Variants in GRM8 observed in about 807,000 individuals in gnomAD.
The protein encoded by GRM8 is glutamate metabotropic receptor 8, also known as metabotropic glutamate receptor 8.
In GRM8, 47 loss-of-function variants were observed where a neutral mutation model predicts 87.2. The ratio of observed to expected loss-of-function variants is 0.54; its 90% CI spans 0.43 to 0.69. GRM8 has a LOEUF of 0.69. GRM8 is among the 30% of genes least tolerant of loss of function. The pLI is 0.00. For missense variants in GRM8, 1,019 were observed against 1,139.2 expected (o/e 0.89, Z 1.52); for synonymous variants, 396 against 404.5 (o/e 0.98, Z 0.25).
Position 126,438,962 on chromosome 7 carries a change from A to C in GRM8, c.*157T>G, listed in dbSNP as rs1045285471. ...GTTTCTTCACTCCCCGTTTATTGATACTTTTGGCTCATGGCTAATTTTTGT... is the reference window on the plus strand; with the variant it reads ...GTTTCTTCACTCCCCGTTTATTGATCCTTTTGGCTCATGGCTAATTTTTGT... On this transcript the variant is annotated 3_prime_UTR_variant, in exon 11 of 11. Coordinates refer to ENST00000339582, the MANE Select transcript of GRM8 (RefSeq NM_000845.3). 1.7e-6 allele frequency: 1 copy of C among 603,666 alleles called. No homozygotes were observed. 37.4% of individuals were successfully genotyped at this position (603,666 alleles called of 1,614,324 possible). A position where few individuals can be genotyped will look rare whatever the true frequency, so the allele number is the denominator to read the frequency against.
At chr7:126,487,646 T>G (rs962766107) in intron 9 of GRM8, among the ~76,000 whole-genome samples, 2 of 151,970 alleles carry the variant, frequency 1.3e-5, no homozygotes, top group Non-Finnish European at 2.9e-5. Context: ...TTCATGATGA[T>G]TTCCTAATAT....
intron 2 of GRM8, among the ~76,000 whole-genome samples, chr7:127,108,664 A>T (rs1448641387): frequency 6.6e-6 from 1 of 152,160 alleles, no homozygotes; most frequent in African/African-American, 2.4e-5. Flanking sequence ...ACCAAAACTA[A>T]TTATCTCAAA....
chr7:126,984,468 G>T (rs1393527555), intron 3 of GRM8, among the ~76,000 whole-genome samples: 1 of 152,154 alleles, frequency 6.6e-6, no homozygotes, highest in Non-Finnish European at 1.5e-5. Flanking sequence ...GCAGAAAAAT[G>T]TGAAAAGCTA....
intron 3 of GRM8, among the ~76,000 whole-genome samples, chr7:127,007,558 C>T (rs1049595962): frequency 2.0e-5 from 3 of 151,972 alleles, no homozygotes; most frequent in Non-Finnish European, 2.9e-5. Context: ...TTGTTTCAGA[C>T]CACCATAGGG....
At chr7:126,585,339 A>C (rs1051137263) in intron 8 of GRM8, among the ~76,000 whole-genome samples, 2 of 152,110 alleles carry the variant, frequency 1.3e-5, no homozygotes, top group African/African-American at 4.8e-5. Context: ...CACATCTCCT[A>C]ATTTCCAGTT....
At chr7:126,837,325 A>G (rs553952508) in intron 6 of GRM8, among the ~76,000 whole-genome samples, 1 of 152,378 alleles carries the variant, frequency 6.6e-6, no homozygotes, top group African/African-American at 2.4e-5. Flanking sequence ...GTTACATAAA[A>G]AGGAATCAAC....
At chr7:127,251,466 C>G (rs1280410325) in intron 1 of GRM8, among the ~76,000 whole-genome samples, 1 of 152,284 alleles carries the variant, frequency 6.6e-6, no homozygotes, top group East Asian at 1.9e-4. Flanking sequence ...TCTACCTCTC[C>G]GTTTCTATCT....
chr7:126,626,442 C>T (rs1018253602), intron 7 of GRM8, among the ~76,000 whole-genome samples: 2 of 152,036 alleles, frequency 1.3e-5, no homozygotes, highest in Non-Finnish European at 2.9e-5. Flanking sequence ...TACAATTTCA[C>T]TTTTTTTCTA....
chr7:126,652,484 AG>A (rs1015289457), intron 7 of GRM8, among the ~76,000 whole-genome samples: 1 of 152,194 alleles, frequency 6.6e-6, no homozygotes, highest in Admixed American at 6.5e-5. Context: ...GGACTGGGAA[AG>A]GCAGACCTAC....
intron 6 of GRM8, among the ~76,000 whole-genome samples, chr7:126,805,223 G>A (rs1168777771): frequency 3.3e-5 from 5 of 151,876 alleles, no homozygotes; most frequent in Non-Finnish European, 5.9e-5. Flanking sequence ...TTCAACTTGG[G>A]ACCAATCCAA....
chr7:127,034,691 T>G (rs1396840862), intron 3 of GRM8, among the ~76,000 whole-genome samples: 1 of 152,180 alleles, frequency 6.6e-6, no homozygotes, highest in African/African-American at 2.4e-5. Flanking sequence ...ACAAATTCAG[T>G]GTTTTCACTA....
chr7:127,165,169 T>G (rs1367359367), intron 2 of GRM8, among the ~76,000 whole-genome samples: 1 of 65,748 alleles, frequency 1.5e-5, no homozygotes, highest in Non-Finnish European at 2.9e-5. Flanking sequence ...TATATATATA[T>G]ATATATATAT....
chr7:127,152,056 C>T (rs896748706), intron 2 of GRM8, among the ~76,000 whole-genome samples: 2 of 151,910 alleles, frequency 1.3e-5, no homozygotes, highest in African/African-American at 4.8e-5. Flanking sequence ...GCTATCTGTC[C>T]TTCACTTCCT....
intron 6 of GRM8, among the ~76,000 whole-genome samples, chr7:126,845,347 G>A (rs1487866308): frequency 6.6e-6 from 1 of 152,164 alleles, no homozygotes; most frequent in Non-Finnish European, 1.5e-5. Context: ...ACAAGGCTCA[G>A]GAGGTTACAT....
At chr7:126,928,052 G>A (rs1292726684) in intron 3 of GRM8, among the ~76,000 whole-genome samples, 1 of 152,140 alleles carries the variant, frequency 6.6e-6, no homozygotes, top group South Asian at 2.1e-4. Flanking sequence ...AAACGGATGA[G>A]TTCATGTCCT....
chr7:126,806,434 G>A (rs1473833248), intron 6 of GRM8, among the ~76,000 whole-genome samples: 29 of 152,352 alleles, frequency 1.9e-4, no homozygotes, highest in Non-Finnish European at 2.9e-5. Flanking sequence ...CCAAAGTCCA[G>A]AAGAGGACCC....
At chr7:127,034,828 T>C (rs1404615431) in intron 3 of GRM8, among the ~76,000 whole-genome samples, 2 of 152,152 alleles carry the variant, frequency 1.3e-5, no homozygotes, top group Non-Finnish European at 2.9e-5. Context: ...CTAAATATCA[T>C]TCTTTCCTCC....
intron 9 of GRM8, among the ~76,000 whole-genome samples, chr7:126,524,794 C>T (rs1235438180): frequency 2.0e-5 from 3 of 152,066 alleles, no homozygotes; most frequent in Non-Finnish European, 4.4e-5. Context: ...TTTATTTTCA[C>T]ATTCATAATT....
In GRM8 at chr7:127,224,007, T is replaced by C. The variant is rs867446057; in HGVS notation, c.510+18688A>G. ...ATCTGTGAACTTACAGATAAAACAA[T>C]TACCCATAAACAATCAAAATAAATT... On this transcript the variant is annotated intron_variant, in intron 2 of 10. Transcript: ENST00000339582. Among the ~76,000 whole-genome samples, 8 of 148,202 alleles carry C rather than the reference T, an allele frequency of 5.4e-5. No individual in the cohort carries two copies. In the South Asian group the frequency reaches 1.7e-3, roughly 32 times the overall value.
Sources: allele counts gnomAD v4.1 joint callset (sites outside exome capture counted in the v4.1 genomes callset), GRCh38; gene constraint gnomAD v4.1.1; transcripts MANE v1.5; gene names NCBI Gene and HGNC (gene_info 2026-07-23, HGNC 2026-07-21).